The following DENND1B variants were observed in gnomAD, a reference collection of about 807,000 sequenced individuals.
DENND1B encodes DENN domain containing 1B.
Under a neutral mutation model 90.1 loss-of-function variants are expected in DENND1B, and 59 were observed. That is an observed-to-expected ratio of 0.65 (90% CI 0.53 to 0.81). The LOEUF (loss-of-function observed/expected upper bound fraction) is 0.81. DENND1B is among the 40% of genes least tolerant of loss of function. The probability of loss-of-function intolerance (pLI) is 0.00; values close to 1 mark genes in which losing one functional copy is unlikely to be tolerated. For synonymous variants in DENND1B, 337 were observed against 324.6 expected (o/e 1.04, Z -0.41); for missense variants, 862 against 912.6 (o/e 0.94, Z 0.71).
chr1:197,518,228 G>A (rs1378944702), intron 20 of DENND1B, among the ~76,000 whole-genome samples: 24 of 151,834 alleles, frequency 1.6e-4, no homozygotes, highest in Non-Finnish European at 1.5e-5. Flanking sequence ...AAGGTCCTGT[G>A]GGGGTTATCA....
intron 16 of DENND1B, among the ~76,000 whole-genome samples, chr1:197,551,345 G>C (rs1444300605): frequency 6.6e-6 from 1 of 152,018 alleles, no homozygotes; most frequent in African/African-American, 2.4e-5. Context: ...GTCAAATTAG[G>C]CTTTCCTTTT....
chr1:197,531,386 C>CT (rs1448393506), intron 20 of DENND1B, among the ~76,000 whole-genome samples: 13 of 3,456 alleles, frequency 3.8e-3, no homozygotes, highest in African/African-American at 4.0e-3. Flanking sequence ...CATAACAAAT[C>CT]TTTTTTTTTT....
chr1:197,656,341 A>G (rs1052138922), intron 6 of DENND1B, among the ~76,000 whole-genome samples: 1 of 152,194 alleles, frequency 6.6e-6, no homozygotes, highest in Admixed American at 6.5e-5. Context: ...CCAGAAAAAC[A>G]CAATGTCAAG....
rs747843891 is a variant in DENND1B at position 197,775,453 on chromosome 1, G to A, written c.-298C>T. 2.2e-5 allele frequency: 6 copies of A among 272,368 alleles called. No individual in the cohort carries two copies. Among genetic ancestry groups the A allele is most frequent in the African/African-American group, 1.1e-4 (5 of 44,696 alleles). 16.9% of individuals were successfully genotyped at this position (272,368 alleles called of 1,614,324 possible). ...CCTCTCAGTTCCTGCGACCGGGGCC[G>A]CCCGCTGCGGCTCCTGCACCTTCTT... On this transcript the variant is annotated 5_prime_UTR_variant, in exon 1 of 23. Coordinates refer to ENST00000620048, the MANE Select transcript of DENND1B (RefSeq NM_001195215.2).
intron 13 of DENND1B, among the ~76,000 whole-genome samples, chr1:197,603,403 C>A (rs987223995): frequency 2.6e-5 from 4 of 151,070 alleles, no homozygotes; most frequent in Non-Finnish European, 5.9e-5. Context: ...ATAGATATAC[C>A]ATTAACAGTA....
At position 197,509,592 on chromosome 1, in the gene DENND1B, A is replaced by G. The variant is rs1667886683; in HGVS notation, c.*868T>C. ...AAGTAAATTTGAGATGATGATATGA[A>G]GCATTTTGATAGAGAATTATTAGTT... On this transcript the variant is annotated 3_prime_UTR_variant, in exon 23 of 23. Coordinates refer to ENST00000620048, the MANE Select transcript of DENND1B (RefSeq NM_001195215.2). 1.3e-5 allele frequency: 2 copies of G among 151,702 alleles called. No homozygotes were observed. The highest frequency in any genetic ancestry group is 1.5e-5 in the Non-Finnish European group (1 of 67,776). 9.4% of individuals were successfully genotyped at this position (151,702 alleles called of 1,614,324 possible). A position where few individuals can be genotyped will look rare whatever the true frequency, so the allele number is the denominator to read the frequency against.
At chr1:197,623,943 T>C (rs1314622887) in intron 10 of DENND1B, among the ~76,000 whole-genome samples, 2 of 151,508 alleles carry the variant, frequency 1.3e-5, no homozygotes, top group Non-Finnish European at 3.0e-5. Context: ...ACTAAATAAA[T>C]GGAGAGATAT....
At chr1:197,544,882 G>C (rs1670628185) in intron 18 of DENND1B, among the ~76,000 whole-genome samples, 1 of 123,758 alleles carries the variant, frequency 8.1e-6, no homozygotes, top group Non-Finnish European at 1.8e-5. Context: ...GAGATGAAGA[G>C]GAAGAGGAAG....
chr1:197,625,723 T>C (rs1193906374), intron 10 of DENND1B, among the ~76,000 whole-genome samples: 4 of 151,834 alleles, frequency 2.6e-5, no homozygotes, highest in Admixed American at 1.3e-4. Context: ...GACTGGCAAA[T>C]TGGATAAAGA....
chr1:197,518,753 C>A (rs1261528287), intron 20 of DENND1B, among the ~76,000 whole-genome samples: 1 of 151,532 alleles, frequency 6.6e-6, no homozygotes, highest in African/African-American at 2.4e-5. Context: ...TCTGGTTGCC[C>A]CAACATAAAT....
At chr1:197,542,030 C>T (rs951059120) in intron 18 of DENND1B, among the ~76,000 whole-genome samples, 1 of 152,172 alleles carries the variant, frequency 6.6e-6, no homozygotes, top group African/African-American at 2.4e-5. Context: ...TGACTTCCTT[C>T]AGATAACCTG....
Position 197,754,299 on chromosome 1 carries a change from A to G in DENND1B, c.82+18569T>C, listed in dbSNP as rs1653972161. 2.6e-5 allele frequency among the ~76,000 whole-genome samples: 4 copies of G among 152,212 alleles called. No homozygotes were observed. In the South Asian group the frequency reaches 6.2e-4, roughly 24 times the overall value. Reference sequence around the variant, plus strand: ...TACATATCAAAAGTCCAACAATGATACTCAAGAACTTATTTGAAGTAGATA... The same window carrying G: ...TACATATCAAAAGTCCAACAATGATGCTCAAGAACTTATTTGAAGTAGATA... On this transcript the variant is annotated intron_variant, in intron 2 of 22. Transcript: ENST00000620048.
chr1:197,778,887 C>A (rs1353460556), upstream of DENND1B, among the ~76,000 whole-genome samples: 1 of 151,894 alleles, frequency 6.6e-6, no homozygotes, highest in Non-Finnish European at 1.5e-5. Context: ...TAGGAGTTAT[C>A]CTAGAAATTT....
intron 15 of DENND1B, among the ~76,000 whole-genome samples, chr1:197,572,457 C>T (rs1355869496): frequency 1.3e-5 from 2 of 152,214 alleles, no homozygotes; most frequent in African/African-American, 2.4e-5. Context: ...GCAAGGCCTA[C>T]TGCCTCTATA....
At chr1:197,651,816 C>T (rs1653233236) in intron 7 of DENND1B, among the ~76,000 whole-genome samples, 2 of 151,544 alleles carry the variant, frequency 1.3e-5, no homozygotes, top group South Asian at 2.1e-4. Flanking sequence ...CCACCACGCC[C>T]GGCTAATTTT....
chr1:197,561,702 C>A (rs181316977), intron 15 of DENND1B, among the ~76,000 whole-genome samples: 1 of 151,730 alleles, frequency 6.6e-6, no homozygotes, highest in Non-Finnish European at 1.5e-5. Flanking sequence ...TTCTTCTTGA[C>A]GAAATCATCT....
At chr1:197,771,414 A>G (rs755355757) in intron 2 of DENND1B, among the ~76,000 whole-genome samples, 15 of 152,250 alleles carry the variant, frequency 9.9e-5, no homozygotes, top group Non-Finnish European at 1.9e-4. Context: ...AAATAATGCA[A>G]ATGGACAAAC....
At chr1:197,714,291 C>A (rs1660406806) in intron 3 of DENND1B, among the ~76,000 whole-genome samples, 1 of 151,678 alleles carries the variant, frequency 6.6e-6, no homozygotes, top group Non-Finnish European at 1.5e-5. Flanking sequence ...TTTTAAAAAG[C>A]AAAAAATTGG....
intron 10 of DENND1B, among the ~76,000 whole-genome samples, chr1:197,628,836 A>C (rs1272282198): frequency 6.6e-6 from 1 of 152,002 alleles, no homozygotes; most frequent in Non-Finnish European, 1.5e-5. Context: ...ACAAGAAAAA[A>C]ACAAACAACC....
Sources: gnomAD v4.1 joint callset for allele counts (sites outside exome capture counted in the v4.1 genomes callset) on GRCh38, gnomAD v4.1.1 for gene constraint, MANE v1.5 for transcripts, NCBI Gene and HGNC (gene_info 2026-07-23, HGNC 2026-07-21) for gene names.